The following GALNT13 variants were observed in gnomAD, a reference collection of about 807,000 sequenced individuals.
GALNT13 encodes polypeptide N-acetylgalactosaminyltransferase 13.
Under a neutral mutation model 64.2 loss-of-function variants are expected in GALNT13, and 28 were observed. The ratio of observed to expected loss-of-function variants is 0.44; its 90% CI spans 0.32 to 0.60. The LOEUF is 0.60. Among genes scored for constraint, GALNT13 ranks in the 20% least tolerant of loss-of-function variants. The pLI is 0.05. For synonymous variants in GALNT13, 214 were observed against 224.6 expected, an observed-to-expected ratio of 0.95 and a Z score of 0.42; for missense variants, 577 against 669.8, an observed-to-expected ratio of 0.86 and a Z score of 1.53.
the GALNT13 span, among the ~76,000 whole-genome samples, chr2:153,104,196 C>G: frequency 1.3e-5 from 2 of 152,112 alleles, no homozygotes; most frequent in Non-Finnish European, 1.5e-5. Context: ...GGAAGCAATA[C>G]TTTTTCCTTC....
At chr2:154,368,217 C>G (rs747301802) in intron 9 of GALNT13, among the ~76,000 whole-genome samples, 84 of 152,254 alleles carry the variant, frequency 5.5e-4, no homozygotes, top group Non-Finnish European at 6.9e-4. Flanking sequence ...GATTTGCTAT[C>G]AGAAATTACT....
the GALNT13 span, chr2:153,421,607 C>T: frequency 8.2e-6 from 2 of 242,532 alleles, no homozygotes; most frequent in East Asian, 1.0e-4. Flanking sequence ...AACCAGCTTG[C>T]GAATTTGGTC....
chr2:153,685,004 A>G, the GALNT13 span, among the ~76,000 whole-genome samples: 14 of 151,604 alleles, frequency 9.2e-5, no homozygotes, highest in Non-Finnish European at 2.1e-4. Context: ...TTAAGGCTGC[A>G]TAGTATCCAT....
chr2:153,601,070 A>T, the GALNT13 span, among the ~76,000 whole-genome samples: 1,819 of 152,032 alleles, frequency 0.012, 32 homozygotes, highest in African/African-American at 0.041. Context: ...AGACATTACT[A>T]ACCAAAGATG....
At chr2:153,226,607 A>G in the GALNT13 span, among the ~76,000 whole-genome samples, 1 of 152,162 alleles carries the variant, frequency 6.6e-6, no homozygotes, top group Non-Finnish European at 1.5e-5. Flanking sequence ...ATCCCATTTG[A>G]AGGGCATTCT....
chr2:153,447,435 A>G, the GALNT13 span, among the ~76,000 whole-genome samples: 3 of 152,194 alleles, frequency 2.0e-5, no homozygotes, highest in Admixed American at 2.0e-4. Flanking sequence ...CTGATGATCA[A>G]TGTGGAAAAT....
At chr2:153,291,763 C>G in the GALNT13 span, among the ~76,000 whole-genome samples, 28 of 147,994 alleles carry the variant, frequency 1.9e-4, no homozygotes, top group South Asian at 6.0e-3. Context: ...AAAAAAAAAC[C>G]TCTTGTGGAC....
chr2:154,144,419 G>A (rs538710055), intron 4 of GALNT13, among the ~76,000 whole-genome samples: 5 of 152,056 alleles, frequency 3.3e-5, no homozygotes, highest in Admixed American at 1.3e-4. Flanking sequence ...ATCTTAAAAA[G>A]ATATAGATAC....
At chr2:154,107,526 G>A (rs188808052) in intron 3 of GALNT13, among the ~76,000 whole-genome samples, 272 of 149,312 alleles carry the variant, frequency 1.8e-3, no homozygotes, top group Admixed American at 3.8e-3. Flanking sequence ...GGAGGTGGAG[G>A]TTGCAGTGAG....
chr2:153,763,543 G>A, the GALNT13 span, among the ~76,000 whole-genome samples: 42 of 152,268 alleles, frequency 2.8e-4, no homozygotes, highest in African/African-American at 9.6e-4. Flanking sequence ...TGTAAGACGT[G>A]ATTTTGCTCC....
chr2:153,756,016 A>G, the GALNT13 span, among the ~76,000 whole-genome samples: 1 of 152,130 alleles, frequency 6.6e-6, no homozygotes, highest in Non-Finnish European at 1.5e-5. Flanking sequence ...TTGGAAAAAT[A>G]TATTCCTATA....
chr2:153,306,884 A>G, the GALNT13 span, among the ~76,000 whole-genome samples: 5 of 152,176 alleles, frequency 3.3e-5, no homozygotes, highest in African/African-American at 1.2e-4. Context: ...TTACAGGCAC[A>G]CACCACCGTG....
At chr2:153,828,079 G>T in the GALNT13 span, among the ~76,000 whole-genome samples, 13 of 152,222 alleles carry the variant, frequency 8.5e-5, no homozygotes, top group Non-Finnish European at 1.8e-4. Context: ...GTATTGGGAA[G>T]CCCCACTGCT....
At chr2:153,574,160 A>C in the GALNT13 span, among the ~76,000 whole-genome samples, 1 of 151,326 alleles carries the variant, frequency 6.6e-6, no homozygotes, top group Admixed American at 6.6e-5. Context: ...TAGTACTTTA[A>C]ATATGTCATG....
intron 3 of GALNT13, among the ~76,000 whole-genome samples, chr2:154,102,513 G>T (rs1199559021): frequency 6.6e-6 from 1 of 152,142 alleles, no homozygotes; most frequent in African/African-American, 2.4e-5. Flanking sequence ...GGACTCTGGA[G>T]ACTTGGGTAA....
At chr2:153,157,690 G>T in the GALNT13 span, among the ~76,000 whole-genome samples, 2 of 152,142 alleles carry the variant, frequency 1.3e-5, no homozygotes, top group South Asian at 4.2e-4. Flanking sequence ...AATTTACTTG[G>T]TTTCTTATGT....
intron 4 of GALNT13, among the ~76,000 whole-genome samples, chr2:154,166,994 G>A (rs2105686642): frequency 6.6e-6 from 1 of 152,098 alleles, no homozygotes; most frequent in South Asian, 2.1e-4. Context: ...GGGGGAGTGG[G>A]GAGGGATAGC....
the GALNT13 span, among the ~76,000 whole-genome samples, chr2:153,591,043 G>C: frequency 6.6e-6 from 1 of 152,008 alleles, no homozygotes; most frequent in Non-Finnish European, 1.5e-5. Flanking sequence ...GTTTGCTGAT[G>C]GTACAATCTT....
the GALNT13 span, among the ~76,000 whole-genome samples, chr2:153,841,777 A>G: frequency 3.9e-5 from 6 of 152,234 alleles, no homozygotes; most frequent in Non-Finnish European, 7.3e-5. Flanking sequence ...CTGAAAGTAT[A>G]AAATTATTAT....
Sources: gnomAD v4.1 joint callset for allele counts (sites outside exome capture counted in the v4.1 genomes callset) on GRCh38, gnomAD v4.1.1 for gene constraint, MANE v1.5 for transcripts, NCBI Gene and HGNC (gene_info 2026-07-23, HGNC 2026-07-21) for gene names.